Variants in FER observed in about 807,000 individuals in gnomAD.
FER encodes the protein tyrosine-protein kinase Fer.
Under a neutral mutation model 111.0 loss-of-function variants are expected in FER, and 63 were observed. The ratio of observed to expected loss-of-function variants is 0.57; its 90% CI spans 0.46 to 0.70. The LOEUF is 0.70. Among genes scored for constraint, FER ranks in the 30% least tolerant of loss-of-function variants. The pLI is 0.00. For missense variants in FER, 914 were observed against 954.0 expected, an observed-to-expected ratio of 0.96 and a Z score of 0.55; for synonymous variants, 327 against 313.9, an observed-to-expected ratio of 1.04 and a Z score of -0.44.
intron 16 of FER, among the ~76,000 whole-genome samples, chr5:109,072,329 G>A (rs142857709): frequency 0.015 from 2,205 of 150,916 alleles, 43 homozygotes; most frequent in African/African-American, 0.05. Context: ...GTATTAGGTT[G>A]GTGCAGAAGT....
chr5:108,959,278 T>C lies in FER; in HGVS notation c.1587T>C (p.Asp529=), dbSNP rs34869483. The C allele has an allele frequency of 0.017, 27,806 of 1,611,948 alleles. 324 individuals carry two copies. Among genetic ancestry groups the C allele is most frequent in the Non-Finnish European group, 0.02 (24,107 of 1,178,636 alleles). ...TGFSNIPQLI[D]HHYTTKQVIT... ...TTTCAAACATTCCTCAACTTATAGA[T>C]CATCACTATACAACAAAACAGGTCA... The change falls in exon 13 of 20, where the codon GAT becomes GAC. Residue 529 remains aspartate (D), a synonymous_variant. Coordinates refer to ENST00000281092, the MANE Select transcript of FER (RefSeq NM_005246.4).
At chr5:109,186,590 C>T (rs191347902) in intron 19 of FER, among the ~76,000 whole-genome samples, 25 of 152,224 alleles carry the variant, frequency 1.6e-4, no homozygotes, top group Admixed American at 1.3e-3. Flanking sequence ...TGTTCACTGT[C>T]GTTAAGAGAA....
chr5:109,051,840 G>A (rs1235978905), intron 16 of FER: 3 of 1,594,536 alleles, frequency 1.9e-6, no homozygotes, highest in Admixed American at 1.7e-5. Flanking sequence ...TGATGAAGAT[G>A]GTTTTCTCCA....
chr5:109,184,227 C>T (rs915585700), intron 18 of FER, among the ~76,000 whole-genome samples: 7 of 152,090 alleles, frequency 4.6e-5, no homozygotes, highest in Non-Finnish European at 1.0e-4. Flanking sequence ...GTTATATTAG[C>T]ATGATGTAAC....
chr5:108,804,873 T>C (rs1245928618), intron 3 of FER, among the ~76,000 whole-genome samples: 2 of 152,164 alleles, frequency 1.3e-5, no homozygotes, highest in African/African-American at 2.4e-5. Flanking sequence ...TTAGGTAGAA[T>C]TCCCTCCTAC....
intron 17 of FER, among the ~76,000 whole-genome samples, chr5:109,125,155 C>T (rs1401075577): frequency 6.6e-6 from 1 of 151,526 alleles, no homozygotes; most frequent in Non-Finnish European, 1.5e-5. Flanking sequence ...TCTCAAGATT[C>T]TAATACCCCA....
At chr5:109,100,792 G>T (rs895191773) in intron 17 of FER, among the ~76,000 whole-genome samples, 2 of 151,784 alleles carry the variant, frequency 1.3e-5, no homozygotes, top group Non-Finnish European at 3.0e-5. Flanking sequence ...GACATGGAAT[G>T]TACTACAATT....
chr5:108,789,391 T>G (rs1409823640), intron 2 of FER, among the ~76,000 whole-genome samples: 4 of 152,074 alleles, frequency 2.6e-5, no homozygotes, highest in East Asian at 3.9e-4. Flanking sequence ...TTTTTTTTTT[T>G]GCCTTATACA....
intron 3 of FER, among the ~76,000 whole-genome samples, chr5:108,823,879 A>AT (rs1759161063): frequency 6.6e-6 from 1 of 151,692 alleles, no homozygotes; most frequent in Admixed American, 6.6e-5. Context: ...CTTTTCCTTT[A>AT]TTTTTTCTTC....
chr5:109,142,875 G>T (rs906435947), intron 17 of FER, among the ~76,000 whole-genome samples: 3 of 152,132 alleles, frequency 2.0e-5, no homozygotes, highest in African/African-American at 7.2e-5. Context: ...TATTAGAATT[G>T]TAGATTGTAG....
chr5:109,028,460 A>G (rs916167466), intron 13 of FER, among the ~76,000 whole-genome samples: 2 of 152,228 alleles, frequency 1.3e-5, no homozygotes, highest in Non-Finnish European at 1.5e-5. Flanking sequence ...TGAAAGAGTC[A>G]TATGCATTGC....
chr5:108,972,344 T>C (rs1760770239), intron 13 of FER, among the ~76,000 whole-genome samples: 2 of 152,106 alleles, frequency 1.3e-5, no homozygotes, highest in Non-Finnish European at 1.5e-5. Flanking sequence ...TAACCCCTTA[T>C]TCTTAGTAGT....
chr5:109,180,985 A>G (rs1158387638), intron 18 of FER, 84 bp downstream of exon 18: 1 of 1,128,858 alleles, frequency 8.9e-7, no homozygotes, highest in African/African-American at 1.6e-5. Context: ...TTACAGGGGT[A>G]GCACAGAATG....
chr5:109,119,264 G>A (rs1450333739), intron 17 of FER, among the ~76,000 whole-genome samples: 1 of 152,048 alleles, frequency 6.6e-6, no homozygotes, highest in Non-Finnish European at 1.5e-5. Flanking sequence ...ATTTTGTTAT[G>A]TACCCAGTAG....
Position 108,798,258 on chromosome 5 carries a change from G to A in FER, c.76G>A (p.Glu26Lys). 6 of 1,614,000 alleles carry A rather than the reference G, an allele frequency of 3.7e-6. No individual in the cohort carries two copies. Among genetic ancestry groups the A allele is most frequent in the Non-Finnish European group, 5.1e-6 (6 of 1,179,930 alleles). ...KLQDWELRLL[E>K]TVKKFMALRI... Reference sequence around the variant, plus strand: ...GCAAGACTGGGAATTACGGTTACTGGAAACAGTAAAGAAATTTATGGCCCT... The same window carrying A: ...GCAAGACTGGGAATTACGGTTACTGAAAACAGTAAAGAAATTTATGGCCCT... The change falls in exon 3 of 20, where the codon GAA (glutamate) becomes AAA (lysine). Residue 26 changes from glutamate (E) to lysine (K), a missense_variant. This residue lies in a region of FER where 774 missense variants were observed against 782.6 expected (regional missense o/e 0.99). Transcript: ENST00000281092.
At chr5:108,833,744 G>T (rs1760296917) in intron 4 of FER, among the ~76,000 whole-genome samples, 1 of 151,866 alleles carries the variant, frequency 6.6e-6, no homozygotes, top group Non-Finnish European at 1.5e-5. Context: ...CGTACTGGCG[G>T]GCGCCTGTAG....
chr5:109,108,336 G>A (rs1749196553), intron 17 of FER, among the ~76,000 whole-genome samples: 1 of 152,116 alleles, frequency 6.6e-6, no homozygotes, highest in Non-Finnish European at 1.5e-5. Flanking sequence ...ATTAAACTAT[G>A]TATTAGATAT....
intron 1 of FER, among the ~76,000 whole-genome samples, chr5:108,759,427 C>G (rs551382380): frequency 1.3e-5 from 2 of 152,246 alleles, no homozygotes; most frequent in Non-Finnish European, 2.9e-5. Flanking sequence ...GTTATAGCTT[C>G]TACCCATTAC....
intron 2 of FER, among the ~76,000 whole-genome samples, chr5:108,780,687 G>A (rs1753964487): frequency 6.6e-6 from 1 of 151,926 alleles, no homozygotes; most frequent in Admixed American, 6.6e-5. Flanking sequence ...CATTGATTTG[G>A]TGAAATTGTC....
Sources: gnomAD v4.1 joint callset for allele counts (sites outside exome capture counted in the v4.1 genomes callset) on GRCh38, gnomAD v4.1.1 for gene constraint, gnomAD v4.1.1 regional missense constraint, MANE v1.5 for transcripts, NCBI Gene and HGNC (gene_info 2026-07-23, HGNC 2026-07-21) for gene names.